OLFM3: variants seen among roughly 807,000 people sequenced by gnomAD.
OLFM3 encodes noelin-3.
OLFM3 carries 20 observed loss-of-function variants against 48.6 expected under a neutral mutation model. That is an observed-to-expected ratio of 0.41 (90% CI 0.29 to 0.60). The LOEUF (loss-of-function observed/expected upper bound fraction) is 0.60, where lower values mean the gene tolerates loss of function less well. Ranked by LOEUF, OLFM3 falls within the 20% of genes least tolerant of loss-of-function variation. The pLI, the probability that OLFM3 is intolerant of heterozygous loss-of-function variation, is 0.28. For synonymous variants in OLFM3, 222 were observed against 198.1 expected, an observed-to-expected ratio of 1.12 and a Z score of -1.01; for missense variants, 437 against 544.3, an observed-to-expected ratio of 0.80 and a Z score of 1.96.
At chr1:101,893,232 T>C in intron 1 of OLFM3, 1 of 295,912 alleles carries the variant, frequency 3.4e-6, no homozygotes, top group Non-Finnish European at 6.6e-6. Flanking sequence ...TTGTGACAGG[T>C]GTGAAGACAG....
chr1:101,829,609 C>G (rs536169871), intron 3 of OLFM3, among the ~76,000 whole-genome samples: 2 of 152,332 alleles, frequency 1.3e-5, no homozygotes, highest in South Asian at 4.1e-4. Context: ...TAGCTCCCCA[C>G]CAGCCACCAC....
chr1:101,850,970 G>A (rs1055746866), intron 1 of OLFM3, among the ~76,000 whole-genome samples: 4 of 152,032 alleles, frequency 2.6e-5, no homozygotes, highest in African/African-American at 9.7e-5. Flanking sequence ...GTAGAACATC[G>A]AAAAATGAAC....
intron 1 of OLFM3, among the ~76,000 whole-genome samples, chr1:101,963,949 C>CT (rs1466650766): frequency 1.3e-5 from 2 of 152,136 alleles, no homozygotes; most frequent in Non-Finnish European, 2.9e-5. Flanking sequence ...GGCATGGACT[C>CT]TCCTTATTCA....
At chr1:101,835,401 G>A (rs774732677) in intron 2 of OLFM3, among the ~76,000 whole-genome samples, 5 of 152,116 alleles carry the variant, frequency 3.3e-5, no homozygotes, top group South Asian at 2.1e-4. Context: ...TGCAACCTCC[G>A]CCTCCCAGGT....
intron 1 of OLFM3, among the ~76,000 whole-genome samples, chr1:101,930,020 G>T (rs575823122): frequency 6.6e-6 from 1 of 152,092 alleles, no homozygotes; most frequent in South Asian, 2.1e-4. Flanking sequence ...TATGATAGAT[G>T]AAAGAGAATG....
At chr1:101,824,643 AAACAACAAC>A (rs149607229) in intron 4 of OLFM3, among the ~76,000 whole-genome samples, 68,672 of 150,392 alleles carry the variant, frequency 0.46, 16,030 homozygotes, top group Non-Finnish European at 0.5. Context: ...CCCACTAACC[AAACAACAAC>A]AACAACAACA....
intron 4 of OLFM3, among the ~76,000 whole-genome samples, chr1:101,822,931 A>G (rs995316454): frequency 6.6e-6 from 1 of 152,032 alleles, no homozygotes; most frequent in Non-Finnish European, 1.5e-5. Context: ...TCCCTTGCTT[A>G]GTCTTATCAT....
At position 101,897,805 on chromosome 1, in the gene OLFM3, T is replaced by A. The variant is rs192782746; in HGVS notation, c.70-60780A>T. Among the ~76,000 whole-genome samples, 178 of 152,262 alleles carry A rather than the reference T, an allele frequency of 1.2e-3. 1 individual carries two copies. Among genetic ancestry groups the A allele is most frequent in the African/African-American group, 4.0e-3 (165 of 41,574 alleles). Reference sequence around the variant, plus strand: ...TGATTAACATAATCCAAGTAACTCATGTGATGCAAAGTGGAAAATAATGAT... The same window carrying A: ...TGATTAACATAATCCAAGTAACTCAAGTGATGCAAAGTGGAAAATAATGAT... On this transcript the variant is annotated intron_variant, in intron 1 of 5. Coordinates refer to ENST00000370103, the MANE Select transcript of OLFM3 (RefSeq NM_058170.4).
Position 101,945,944 on chromosome 1 carries a change from G to A in OLFM3, c.69+50804C>T, listed in dbSNP as rs530010119. On this transcript the variant is annotated intron_variant, in intron 1 of 5. Coordinates refer to ENST00000370103, the MANE Select transcript of OLFM3 (RefSeq NM_058170.4). The stretch of plus-strand genomic sequence containing the variant: ...GGTGAATGTATTTCCTGTTGATAAT[G>A]TTGAGGCAGGGACATGGCAAGAGTC... Among the ~76,000 whole-genome samples the A allele has an allele frequency of 1.1e-4, 16 of 152,294 alleles. No individual in the cohort carries two copies. In the East Asian group the frequency reaches 1.5e-3, roughly 15 times the overall value.
chr1:101,931,971 A>G (rs1392680907), intron 1 of OLFM3, among the ~76,000 whole-genome samples: 1 of 152,200 alleles, frequency 6.6e-6, no homozygotes, highest in African/African-American at 2.4e-5. Flanking sequence ...CAATAATGAA[A>G]TAATTGTTTA....
rs182826842 is a variant in OLFM3 at position 101,878,431 on chromosome 1, C to T, written c.70-41406G>A. ...TAGGCATTCATATATGTTGGGTCAC[C>T]CATTAAACTGGTCACATCAGAGGGA... On this transcript the variant is annotated intron_variant, in intron 1 of 5. Transcript: ENST00000370103. Among the ~76,000 whole-genome samples the T allele has an allele frequency of 3.1e-3, 477 of 151,908 alleles. 3 individuals carry two copies. The highest frequency in any genetic ancestry group is 0.011 in the African/African-American group (446 of 41,470).
chr1:101,919,953 T>C (rs1182298427), intron 1 of OLFM3, among the ~76,000 whole-genome samples: 2 of 152,212 alleles, frequency 1.3e-5, no homozygotes, highest in Non-Finnish European at 2.9e-5. Context: ...AACTCTATTC[T>C]GGCAGATGTT....
chr1:101,949,444 C>A (rs986544040), intron 1 of OLFM3, among the ~76,000 whole-genome samples: 2 of 152,144 alleles, frequency 1.3e-5, no homozygotes, highest in African/African-American at 4.8e-5. Flanking sequence ...GGTAGGTCAG[C>A]AAATGATATT....
chr1:101,830,523 T>G (rs1388712491), intron 3 of OLFM3, 149 bp downstream of exon 3: 18 of 803,602 alleles, frequency 2.2e-5, no homozygotes, highest in Admixed American at 1.3e-4. Flanking sequence ...AATGGTCAGT[T>G]TCAGTGGAGA....
rs981408800 is a variant in OLFM3 at position 101,804,084 on chromosome 1, G to A, written c.*154C>T. ...GTTTCCAACATGGTAAGTTAGACAA[G>A]CTCAGCTATGTTTTTGAAACACCAA... On this transcript the variant is annotated 3_prime_UTR_variant, in exon 6 of 6. Coordinates refer to ENST00000370103, the MANE Select transcript of OLFM3 (RefSeq NM_058170.4). The surrounding 1 kb of genome is among the most constrained non-coding windows in gnomAD (Gnocchi z 4.5). The A allele has an allele frequency of 1.1e-5, 6 of 568,052 alleles. No individual in the cohort carries two copies. The Admixed American group carries it at 2.2e-4, about 21-fold the overall frequency. 35.2% of individuals were successfully genotyped at this position (568,052 alleles called of 1,614,324 possible).
At chr1:101,954,751 G>A (rs1265326863) in intron 1 of OLFM3, among the ~76,000 whole-genome samples, 7 of 152,044 alleles carry the variant, frequency 4.6e-5, no homozygotes, top group African/African-American at 1.7e-4. Flanking sequence ...TCCTAGAGGA[G>A]GAGGAGTGGT....
chr1:101,865,767 A>T (rs371356237), intron 1 of OLFM3, among the ~76,000 whole-genome samples: 2 of 152,342 alleles, frequency 1.3e-5, no homozygotes, highest in East Asian at 1.9e-4. Context: ...ACCGGCTCAG[A>T]GTTGGCAAAT....
rs376445867 is a variant in OLFM3 at position 101,947,455 on chromosome 1, A to G, written c.69+49293T>C. Among the ~76,000 whole-genome samples, 6 of 152,182 alleles carry G rather than the reference A, an allele frequency of 3.9e-5. No individual in the cohort carries two copies. In the East Asian group the frequency reaches 7.7e-4, roughly 20 times the overall value. ...TGTTTAGGGAGGTAAGACCAAAAAA[A>G]TAGCCATTTAGAAATAAAATTGTTT... On this transcript the variant is annotated intron_variant, in intron 1 of 5. Transcript: ENST00000370103.
intron 1 of OLFM3, among the ~76,000 whole-genome samples, chr1:101,898,862 CAA>C (rs888421314): frequency 1.3e-5 from 2 of 151,706 alleles, no homozygotes; most frequent in African/African-American, 4.8e-5. Flanking sequence ...AACAAACAAA[CAA>C]ACAAAAAAAA....
Sources: gnomAD v4.1 joint callset for allele counts (sites outside exome capture counted in the v4.1 genomes callset) on GRCh38, gnomAD v4.1.1 for gene constraint, Gnocchi (gnomAD v3.1) non-coding constraint, MANE v1.5 for transcripts, NCBI Gene and HGNC (gene_info 2026-07-23, HGNC 2026-07-21) for gene names.